Variants in SGCZ observed in about 807,000 individuals in gnomAD.
SGCZ encodes zeta-sarcoglycan.
A neutral mutation model predicts 41.3 loss-of-function variants in SGCZ; 40 were observed. The observed-to-expected ratio is 0.97, with a 90% CI of 0.75 to 1.26. The LOEUF is 1.26. Among genes scored for constraint, SGCZ ranks in the 50% most tolerant of loss-of-function variants. The probability of loss-of-function intolerance (pLI) is 0.00; values close to 1 mark genes in which losing one functional copy is unlikely to be tolerated. For missense variants in SGCZ, 552 were observed against 369.8 expected (o/e 1.49, Z -4.04); for synonymous variants, 206 against 137.5 (o/e 1.50, Z -3.49).
intron 2 of SGCZ, among the ~76,000 whole-genome samples, chr8:14,399,968 C>T (rs1799026536): frequency 6.6e-6 from 1 of 152,010 alleles, no homozygotes; most frequent in African/African-American, 2.4e-5. Flanking sequence ...TCACAGAAAG[C>T]CTGTGCTCAT....
chr8:14,564,651 A>G (rs1026072175), intron 1 of SGCZ, among the ~76,000 whole-genome samples: 36 of 152,198 alleles, frequency 2.4e-4, no homozygotes, highest in African/African-American at 8.0e-4. Context: ...GTACTGTAGA[A>G]GTATTTTTAT....
Position 14,103,192 on chromosome 8 carries a change from T to G in SGCZ, c.621-693A>C, listed in dbSNP as rs1271415755. On this transcript the variant is annotated intron_variant, in intron 6 of 7. Coordinates refer to ENST00000382080, the MANE Select transcript of SGCZ (RefSeq NM_139167.4). ...GCGATTGAAGGTTGGCTACATAAAT[T>G]AGGAGGGCAAGAAACAAGTGTTTTA... is the stretch of plus-strand genomic sequence containing the variant. 2.0e-5 allele frequency among the ~76,000 whole-genome samples: 3 copies of G among 152,154 alleles called. No homozygotes were observed. The East Asian group carries it at 5.8e-4, about 29-fold the overall frequency.
chr8:14,227,314 A>T (rs973826347), intron 4 of SGCZ, among the ~76,000 whole-genome samples: 2 of 152,124 alleles, frequency 1.3e-5, no homozygotes, highest in African/African-American at 4.8e-5. Context: ...AAATTTATGA[A>T]TTATTAACAT....
chr8:14,786,096 T>C (rs1287884310), intron 1 of SGCZ, among the ~76,000 whole-genome samples: 1 of 152,120 alleles, frequency 6.6e-6, no homozygotes, highest in African/African-American at 2.4e-5. Context: ...CTGAAAAAAA[T>C]GAGATTATTA....
intron 1 of SGCZ, among the ~76,000 whole-genome samples, chr8:15,205,522 A>C (rs1801030242): frequency 6.6e-6 from 1 of 152,202 alleles, no homozygotes; most frequent in Admixed American, 6.5e-5. Flanking sequence ...ATTACTGAGA[A>C]TTAGAGAAAT....
At chr8:14,272,636 C>T (rs1045116904) in intron 3 of SGCZ, among the ~76,000 whole-genome samples, 9 of 152,154 alleles carry the variant, frequency 5.9e-5, no homozygotes, top group African/African-American at 1.7e-4. Flanking sequence ...CAAACTTAAA[C>T]GTGTCCTGGT....
intron 2 of SGCZ, among the ~76,000 whole-genome samples, chr8:14,429,456 G>A (rs559895786): frequency 5.3e-5 from 8 of 152,278 alleles, no homozygotes; most frequent in East Asian, 3.9e-4. Flanking sequence ...CAAGGCTGGG[G>A]CAGAGAGAAA....
intron 2 of SGCZ, among the ~76,000 whole-genome samples, chr8:14,492,038 T>C (rs1441307811): frequency 1.3e-5 from 2 of 152,298 alleles, no homozygotes; most frequent in East Asian, 1.9e-4. Flanking sequence ...ATTAATGCTG[T>C]CATTTATGAT....
intron 1 of SGCZ, among the ~76,000 whole-genome samples, chr8:14,645,024 A>C (rs1255036002): frequency 6.6e-6 from 1 of 151,468 alleles, no homozygotes. Context: ...CTCAGGTCTC[A>C]TCTGAGCCTT....
intron 1 of SGCZ, among the ~76,000 whole-genome samples, chr8:14,910,247 A>G (rs1303819585): frequency 6.6e-6 from 1 of 152,092 alleles, no homozygotes. Flanking sequence ...CCAGTTGGTT[A>G]AAACAGTATT....
chr8:15,097,840 G>GTATATATATA, intron 1 of SGCZ, among the ~76,000 whole-genome samples: 1 of 29,610 alleles, frequency 3.4e-5, no homozygotes, highest in East Asian at 1.2e-3. Context: ...ATATACGTGT[G>GTATATATATA]TGTATATATA....
At chr8:14,401,213 T>C (rs1799062290) in intron 2 of SGCZ, among the ~76,000 whole-genome samples, 1 of 152,168 alleles carries the variant, frequency 6.6e-6, no homozygotes. Context: ...TGCATATCAA[T>C]AAAACACATA....
rs114315547 is a variant in SGCZ, at chr8:14,629,985, T to C, written c.40-75059A>G. Among the ~76,000 whole-genome samples, 1,346 of 152,252 alleles carry C rather than the reference T, an allele frequency of 8.8e-3. 19 individuals carry two copies. The highest frequency in any genetic ancestry group is 0.031 in the African/African-American group (1,275 of 41,554). On this transcript the variant is annotated intron_variant, in intron 1 of 7. Coordinates refer to ENST00000382080, the MANE Select transcript of SGCZ (RefSeq NM_139167.4). The stretch of plus-strand genomic sequence containing the variant: ...TTCTAAGTCTTGATGCTAGGTAAAA[T>C]ATCTGATTATTGTGTGCTAGGTCAA...
At chr8:15,181,150 C>T (rs1449903454) in intron 1 of SGCZ, among the ~76,000 whole-genome samples, 1 of 152,000 alleles carries the variant, frequency 6.6e-6, no homozygotes, top group East Asian at 1.9e-4. Context: ...TATTTCAATA[C>T]AAAATGCCCA....
intron 2 of SGCZ, among the ~76,000 whole-genome samples, chr8:14,539,862 G>A (rs1285492230): frequency 6.6e-6 from 1 of 151,908 alleles, no homozygotes; most frequent in Non-Finnish European, 1.5e-5. Flanking sequence ...AGCCTGGAAT[G>A]CAGAGATGTC....
At chr8:14,638,728 G>C (rs1806918633) in intron 1 of SGCZ, among the ~76,000 whole-genome samples, 1 of 151,806 alleles carries the variant, frequency 6.6e-6, no homozygotes, top group Non-Finnish European at 1.5e-5. Context: ...CCATTGTAGA[G>C]AAGTGAGCAA....
chr8:15,122,283 C>T lies in SGCZ; in HGVS notation c.39+115302G>A, dbSNP rs553292483. ...GGAATTGTGGTATGTTGAACAGGAT[C>T]ATAAAGCATGACAGGAATTTAGCCA... On this transcript the variant is annotated intron_variant, in intron 1 of 7. Transcript: ENST00000382080. Among the ~76,000 whole-genome samples, 6 of 152,168 alleles carry T rather than the reference C, an allele frequency of 3.9e-5. No homozygotes were observed. The South Asian group carries it at 6.2e-4, about 16-fold the overall frequency.
rs1388683195 is a variant in SGCZ at position 14,945,844 on chromosome 8, C to G, written c.39+291741G>C. Among the ~76,000 whole-genome samples the G allele has an allele frequency of 2.0e-5, 3 of 150,586 alleles. No homozygotes were observed. In the East Asian group the frequency reaches 6.0e-4, roughly 30 times the overall value. On this transcript the variant is annotated intron_variant, in intron 1 of 7. Coordinates refer to ENST00000382080, the MANE Select transcript of SGCZ (RefSeq NM_139167.4). ...CAGTTACCCCCTCAGGTTCTCACAC[C>G]TTCTGCTTCAAATTCAGAGTTACAT...
Position 15,064,710 on chromosome 8 carries a change from T to G in SGCZ, c.39+172875A>C, listed in dbSNP as rs187394301. Among the ~76,000 whole-genome samples, 4 of 152,232 alleles carry G rather than the reference T, an allele frequency of 2.6e-5. No homozygotes were observed. The East Asian group carries it at 7.8e-4, about 30-fold the overall frequency. On this transcript the variant is annotated intron_variant, in intron 1 of 7. Coordinates refer to ENST00000382080, the MANE Select transcript of SGCZ (RefSeq NM_139167.4). ...GTTGCTGTTCTCACACATTGTTACATTTCTTCCCTGCTCTATAAACCCCTA... is the reference window on the plus strand; with the variant it reads ...GTTGCTGTTCTCACACATTGTTACAGTTCTTCCCTGCTCTATAAACCCCTA...
Sources: gnomAD v4.1 joint callset for allele counts (sites outside exome capture counted in the v4.1 genomes callset) on GRCh38, gnomAD v4.1.1 for gene constraint, MANE v1.5 for transcripts, NCBI Gene and HGNC (gene_info 2026-07-23, HGNC 2026-07-21) for gene names.